PM20D1: variants seen among roughly 807,000 people sequenced by gnomAD.
PM20D1 encodes the protein peptidase M20 domain containing 1.
Under a neutral mutation model 53.8 loss-of-function variants are expected in PM20D1, and 53 were observed. The observed-to-expected ratio is 0.98, with a 90% CI of 0.79 to 1.24. The LOEUF (loss-of-function observed/expected upper bound fraction) is 1.24, where lower values mean the gene tolerates loss of function less well. PM20D1 is among the 50% of genes most tolerant of loss of function. PM20D1 has a pLI of 0.00. For missense variants in PM20D1, 564 were observed against 616.8 expected (o/e 0.91, Z 0.91); for synonymous variants, 239 against 241.3 (o/e 0.99, Z 0.09).
chr1:205,844,828 G>T lies in PM20D1; in HGVS notation c.559C>A (p.Leu187Met). ...GGCTCTACCTCCTCATCATGGCCCA[G>T]AGAAATGAAGAAAGATCTTCGGGGG... ...YIPRRSFFIS[L>M]GHDEESSGTG... The change falls in exon 4 of 13, where the codon CTG becomes ATG. Residue 187 changes from leucine (L) to methionine (M), a missense_variant. Transcript: ENST00000367136. The T allele has an allele frequency of 6.2e-7, 1 of 1,613,992 alleles. No homozygotes were observed. Among genetic ancestry groups the T allele is most frequent in the Non-Finnish European group, 8.5e-7 (1 of 1,179,952 alleles).
intron 4 of PM20D1, 107 bp downstream of exon 4, chr1:205,844,704 C>A: frequency 1.0e-6 from 1 of 964,024 alleles, no homozygotes. Context: ...GGCAAACTAC[C>A]GTATCATGGA....
rs200541177 is a variant in PM20D1 at position 205,832,645 on chromosome 1, C to G, written c.1238G>C (p.Arg413Pro). ...DDKALGYQLL[R>P]QTVQSVFPEV... Reference sequence around the variant, plus strand: ...CGGGAAGACGGACTGTACGGTCTGGCGGAGCAGCTGGTAGCCCAAGGCCTT... The same window carrying G: ...CGGGAAGACGGACTGTACGGTCTGGGGGAGCAGCTGGTAGCCCAAGGCCTT... The change falls in exon 11 of 13, where the codon CGC becomes CCC. Residue 413 changes from arginine to proline, a missense_variant. Transcript: ENST00000367136. 4 of 1,614,026 alleles carry G rather than the reference C, an allele frequency of 2.5e-6. No homozygotes were observed. The highest frequency in any genetic ancestry group is 3.4e-6 in the Non-Finnish European group (4 of 1,179,984).
chr1:205,842,995 CTG>C (rs1276364078), intron 6 of PM20D1, among the ~76,000 whole-genome samples: 1 of 152,160 alleles, frequency 6.6e-6, no homozygotes, highest in Admixed American at 6.5e-5. Flanking sequence ...CTCTAGAATC[CTG>C]TGTGTCCACT....
chr1:205,848,111 T>A (rs1558095930), intron 1 of PM20D1, 140 bp from the exon 2 acceptor site: 4 of 782,844 alleles, frequency 5.1e-6, no homozygotes, highest in Non-Finnish European at 8.5e-6. Flanking sequence ...TAGGCGCTAT[T>A]GTTTCCTCTA....
rs1441167472 is a variant in PM20D1 at position 205,844,901 on chromosome 1, G to C, written c.490-4C>G. On this transcript the variant is annotated splice_polypyrimidine_tract_variant and splice_region_variant and intron_variant, in intron 3 of 12. Coordinates refer to ENST00000367136, the MANE Select transcript of PM20D1 (RefSeq NM_152491.5). Reference sequence around the variant, plus strand: ...GCTCCAAGGCCTGCAGTAATGCCTGGGGTTCAGAAGCACAATGGAAGAGGA... The same window carrying C: ...GCTCCAAGGCCTGCAGTAATGCCTGCGGTTCAGAAGCACAATGGAAGAGGA... The C allele has an allele frequency of 1.2e-6, 2 of 1,612,520 alleles. No individual in the cohort carries two copies. The highest frequency in any genetic ancestry group is 1.7e-6 in the Non-Finnish European group (2 of 1,179,160).
chr1:205,843,851 A>G, intron 5 of PM20D1, 65 bp from the exon 6 acceptor site: 4 of 1,580,734 alleles, frequency 2.5e-6, no homozygotes, highest in Non-Finnish European at 3.4e-6. Flanking sequence ...CCATAGGCCC[A>G]TAGGTCCATC....
In PM20D1 at chr1:205,830,183, C is replaced by G. The variant is rs574407274; in HGVS notation, c.1385+97G>C. On this transcript the variant is annotated intron_variant, in intron 12 of 12. Coordinates refer to ENST00000367136, the MANE Select transcript of PM20D1 (RefSeq NM_152491.5). The stretch of plus-strand genomic sequence containing the variant: ...TCATTTTGCCAAATCCTGGCTTTCC[C>G]CCTGATTCTGTGGACTGCCAGGAGC... The G allele has an allele frequency of 8.0e-5, 76 of 945,156 alleles. 1 individual carries two copies. The South Asian group carries it at 1.1e-3, about 14-fold the overall frequency. The allele number at this position is 945,156 out of a possible 1,614,324, so 58.5% of individuals were successfully genotyped here. A position where few individuals can be genotyped will look rare whatever the true frequency, so the allele number is the denominator to read the frequency against.
intron 1 of PM20D1, among the ~76,000 whole-genome samples, chr1:205,848,226 T>C (rs1165103262): frequency 6.6e-6 from 1 of 152,208 alleles, no homozygotes; most frequent in African/African-American, 2.4e-5. Context: ...TAGGCTGATA[T>C]GGTTCTTAAA....
rs912787448 is a variant in PM20D1 at position 205,828,067 on chromosome 1, A to G, written c.*553T>C. Reference sequence around the variant, plus strand: ...TATTTGACTGATTATGGTGACAATTATGGTAGTATCACAGTTTGGGTAAGT... The same window carrying G: ...TATTTGACTGATTATGGTGACAATTGTGGTAGTATCACAGTTTGGGTAAGT... On this transcript the variant is annotated 3_prime_UTR_variant, in exon 13 of 13. Transcript: ENST00000367136. 2 of 152,796 alleles carry G rather than the reference A, an allele frequency of 1.3e-5. No homozygotes were observed. The highest frequency in any genetic ancestry group is 2.9e-5 in the Non-Finnish European group (2 of 68,512). The allele number at this position is 152,796 out of a possible 1,614,324, so 9.5% of individuals were successfully genotyped here.
chr1:205,830,512 C>T (rs1259629993), intron 11 of PM20D1, 133 bp from the exon 12 acceptor site: 14 of 622,234 alleles, frequency 2.2e-5, no homozygotes, highest in East Asian at 2.2e-4. Context: ...CTCCTGAAAG[C>T]GTATAGCTAT....
intron 1 of PM20D1, among the ~76,000 whole-genome samples, chr1:205,848,985 G>A (rs554506044): frequency 1.2e-4 from 18 of 152,340 alleles, no homozygotes; most frequent in African/African-American, 4.3e-4. Flanking sequence ...CAGACTGTGA[G>A]TGGCTGTCTA....
chr1:205,845,407 C>A lies in PM20D1; in HGVS notation c.407G>T (p.Trp136Leu). 1.2e-6 allele frequency: 2 copies of A among 1,614,232 alleles called. No individual in the cohort carries two copies. The highest frequency in any genetic ancestry group is 4.5e-5 in the East Asian group (2 of 44,882). ...FDVVPAPEEGWEVPPFSGLER... is the reference protein window; with the variant it reads ...FDVVPAPEEGLEVPPFSGLER... ...CAACCCAGAGAATGGGGGCACCTCC[C>A]AGCCTTCTTCAGGGGCAGGCACCAC... The change falls in exon 3 of 13, where the codon TGG becomes TTG. Residue 136 changes from tryptophan to leucine, a missense_variant. Coordinates refer to ENST00000367136, the MANE Select transcript of PM20D1 (RefSeq NM_152491.5).
chr1:205,831,568 T>C (rs1656562171), intron 11 of PM20D1, among the ~76,000 whole-genome samples: 1 of 25,280 alleles, frequency 4.0e-5, no homozygotes, highest in Non-Finnish European at 1.1e-4. Context: ...TCTCTCTCCT[T>C]TTTTTTTTTT....
At position 205,841,817 on chromosome 1, in the gene PM20D1, C is replaced by CTTGA; in HGVS notation, c.1037_1038insTCAA (p.Val347GlnfsTer38). ...GAGGAACCAGGGATGTTACCTTGAC[C>CTTGA]CCTGCTTTGAATATGGTGAGTGCCG... On this transcript the variant is annotated frameshift_variant, in exon 9 of 13. Coordinates refer to ENST00000367136, the MANE Select transcript of PM20D1 (RefSeq NM_152491.5). LOFTEE classifies it high-confidence loss of function. 6.4e-7 allele frequency: 1 copy of CTTGA among 1,566,922 alleles called. No homozygotes were observed. The highest frequency in any genetic ancestry group is 8.7e-7 in the Non-Finnish European group (1 of 1,153,228).
intron 6 of PM20D1, among the ~76,000 whole-genome samples, 164 bp downstream of exon 6, chr1:205,843,503 T>C (rs934020492): frequency 6.6e-6 from 1 of 152,208 alleles, no homozygotes; most frequent in East Asian, 1.9e-4. Context: ...CTTTAGTCTG[T>C]CCTGGGCTTC....
chr1:205,842,291 A>G, intron 7 of PM20D1, 76 bp from the exon 8 acceptor site: 1 of 1,356,212 alleles, frequency 7.4e-7, no homozygotes, highest in Non-Finnish European at 1.1e-6. Context: ...GTCTCTCTCT[A>G]CTTTAGAGCT....
At chr1:205,848,151 G>A (rs1657043011) in intron 1 of PM20D1, among the ~76,000 whole-genome samples, 180 bp from the exon 2 acceptor site, 1 of 152,152 alleles carries the variant, frequency 6.6e-6, no homozygotes, top group East Asian at 1.9e-4. Flanking sequence ...TGCTTGGAGA[G>A]GTTAGGTGAG....
intron 1 of PM20D1, 131 bp downstream of exon 1, chr1:205,849,773 G>GGGT: frequency 8.4e-7 from 1 of 1,188,660 alleles, no homozygotes; most frequent in South Asian, 1.5e-5. Flanking sequence ...GTTGGGGCCG[G>GGGT]GCTGGGGTGC....
At chr1:205,847,788 A>G (rs1657024422) in intron 2 of PM20D1, 97 bp downstream of exon 2, 11 of 818,456 alleles carry the variant, frequency 1.3e-5, no homozygotes, top group Non-Finnish European at 2.3e-5. Context: ...TTGTCCTCTG[A>G]TCAGTCGCAA....
Sources: allele counts gnomAD v4.1 joint callset (sites outside exome capture counted in the v4.1 genomes callset), GRCh38; gene constraint gnomAD v4.1.1; transcripts MANE v1.5; gene names NCBI Gene and HGNC (gene_info 2026-07-23, HGNC 2026-07-21).